The following UBE2E2 variants were observed in gnomAD, a reference collection of about 807,000 sequenced individuals.
UBE2E2 encodes the protein ubiquitin-conjugating enzyme E2 E2.
A neutral mutation model predicts 24.7 loss-of-function variants in UBE2E2; 6 were observed. The ratio of observed to expected loss-of-function variants is 0.24; its 90% CI spans 0.13 to 0.48. UBE2E2 has a LOEUF of 0.48. Among genes scored for constraint, UBE2E2 ranks in the 20% least tolerant of loss-of-function variants. The pLI is 0.99. For synonymous variants in UBE2E2, 104 were observed against 83.6 expected (o/e 1.24, Z -1.33); for missense variants, 169 against 245.0 (o/e 0.69, Z 2.07).
At position 23,353,923 on chromosome 3, in the gene UBE2E2, C is replaced by T. The variant is rs181568246; in HGVS notation, c.227+136611C>T. Among the ~76,000 whole-genome samples the T allele has an allele frequency of 4.5e-3, 685 of 152,192 alleles. 5 individuals carry two copies. The highest frequency in any genetic ancestry group is 0.016 in the African/African-American group (659 of 41,528). ...TATGGAACCAAAAAAGAGCCTGCAT[C>T]GCCAAGTCAGTCCTAAGCCAAAAGA... On this transcript the variant is annotated intron_variant, in intron 3 of 5. Coordinates refer to ENST00000396703, the MANE Select transcript of UBE2E2 (RefSeq NM_152653.4).
intron 3 of UBE2E2, among the ~76,000 whole-genome samples, chr3:23,334,821 C>T (rs1402583316): frequency 6.6e-6 from 1 of 152,118 alleles, no homozygotes; most frequent in African/African-American, 2.4e-5. Context: ...AGGCAGTTAG[C>T]TATATGATTC....
intron 4 of UBE2E2, among the ~76,000 whole-genome samples, chr3:23,502,781 A>G (rs1699751701): frequency 6.6e-6 from 1 of 152,224 alleles, no homozygotes; most frequent in Admixed American, 6.5e-5. Flanking sequence ...GCTATATTTC[A>G]GTACAATTTT....
Position 23,281,974 on chromosome 3 carries a change from A to G in UBE2E2, c.227+64662A>G, listed in dbSNP as rs9877182. Among the ~76,000 whole-genome samples the G allele has an allele frequency of 5.1e-3, 784 of 152,242 alleles. 6 individuals carry two copies. The highest frequency in any genetic ancestry group is 0.018 in the African/African-American group (748 of 41,520). On this transcript the variant is annotated intron_variant, in intron 3 of 5. Coordinates refer to ENST00000396703, the MANE Select transcript of UBE2E2 (RefSeq NM_152653.4). ...GAATGCAATTTCAGTCTAGTCCTCA[A>G]AATCATCCTAAAAGATTGGAGGATT...
At chr3:23,237,529 G>C (rs1402259838) in intron 3 of UBE2E2, among the ~76,000 whole-genome samples, 1 of 152,132 alleles carries the variant, frequency 6.6e-6, no homozygotes, top group Non-Finnish European at 1.5e-5. Flanking sequence ...GTAAAAGGAA[G>C]ATGACTAGAA....
At chr3:23,541,142 G>A (rs1575694942) in intron 5 of UBE2E2, among the ~76,000 whole-genome samples, 4 of 152,320 alleles carry the variant, frequency 2.6e-5, no homozygotes, top group South Asian at 2.1e-4. Context: ...ACTTAAGATT[G>A]TACAGTATCT....
chr3:23,479,493 G>A lies in UBE2E2; in HGVS notation c.228-20115G>A, dbSNP rs561007303. 2.0e-5 allele frequency among the ~76,000 whole-genome samples: 3 copies of A among 152,242 alleles called. No homozygotes were observed. In the South Asian group the frequency reaches 6.2e-4, roughly 32 times the overall value. ...CTAGGCCTGGGCTCCCCAGAGGGCC[G>A]TAGCTCTTCTCTCTTTCTCTTCACC... On this transcript the variant is annotated intron_variant, in intron 3 of 5. Coordinates refer to ENST00000396703, the MANE Select transcript of UBE2E2 (RefSeq NM_152653.4).
chr3:23,491,278 T>C (rs940487503), intron 3 of UBE2E2, among the ~76,000 whole-genome samples: 7 of 152,202 alleles, frequency 4.6e-5, no homozygotes, highest in Non-Finnish European at 2.9e-5. Context: ...GAACACCCTC[T>C]GGGGCATAGG....
Position 23,431,563 on chromosome 3 carries a change from C to T in UBE2E2, c.228-68045C>T, listed in dbSNP as rs555597697. Among the ~76,000 whole-genome samples, 7 of 152,036 alleles carry T rather than the reference C, an allele frequency of 4.6e-5. No homozygotes were observed. In the South Asian group the frequency reaches 1.5e-3, roughly 32 times the overall value. ...ATATGTCAGCTGTTAATTTTCTTAT[C>T]CTTTTCTTAGATAACATTTTATTTA... On this transcript the variant is annotated intron_variant, in intron 3 of 5. Transcript: ENST00000396703.
At chr3:23,328,778 C>T (rs575588065) in intron 3 of UBE2E2, among the ~76,000 whole-genome samples, 71 of 152,118 alleles carry the variant, frequency 4.7e-4, no homozygotes, top group African/African-American at 1.7e-3. Context: ...TCTCCTGCCT[C>T]AGCCTCCTGA....
Position 23,561,654 on chromosome 3 carries a change from A to G in UBE2E2, c.509-28080A>G, listed in dbSNP as rs577367585. On this transcript the variant is annotated intron_variant, in intron 5 of 5. Coordinates refer to ENST00000396703, the MANE Select transcript of UBE2E2 (RefSeq NM_152653.4). ...GGGGATGGCATTGAATCTATAAATT[A>G]CCTTGGGCAGTGTGGCCATTTTCAC... Among the ~76,000 whole-genome samples the G allele has an allele frequency of 7.8e-4, 118 of 151,474 alleles. No homozygotes were observed. In the Middle Eastern group the frequency reaches 0.01, roughly 13 times the overall value.
intron 3 of UBE2E2, among the ~76,000 whole-genome samples, chr3:23,401,624 C>G (rs1017236680): frequency 6.6e-6 from 1 of 152,058 alleles, no homozygotes; most frequent in Non-Finnish European, 1.5e-5. Flanking sequence ...TAATTAATAT[C>G]TTCTTCAATT....
intron 3 of UBE2E2, among the ~76,000 whole-genome samples, chr3:23,307,561 G>A (rs1699270383): frequency 6.6e-6 from 1 of 152,044 alleles, no homozygotes; most frequent in African/African-American, 2.4e-5. Flanking sequence ...GAAATAATTT[G>A]CTTATTTAAA....
At chr3:23,352,040 A>T (rs1260568350) in intron 3 of UBE2E2, among the ~76,000 whole-genome samples, 1 of 152,214 alleles carries the variant, frequency 6.6e-6, no homozygotes, top group Non-Finnish European at 1.5e-5. Context: ...TGTCTCTCAG[A>T]CCTCAGTGCA....
intron 3 of UBE2E2, among the ~76,000 whole-genome samples, chr3:23,345,896 G>A (rs1467121457): frequency 6.6e-6 from 1 of 152,078 alleles, no homozygotes; most frequent in African/African-American, 2.4e-5. Flanking sequence ...TGCCTGAGTA[G>A]GAAAGTGATA....
chr3:23,512,150 G>A (rs1694609835), intron 4 of UBE2E2, among the ~76,000 whole-genome samples: 1 of 150,058 alleles, frequency 6.7e-6, no homozygotes, highest in Non-Finnish European at 1.5e-5. Context: ...TAAGTGCACA[G>A]TAATTCAGTT....
chr3:23,270,668 A>G (rs960871567), intron 3 of UBE2E2, among the ~76,000 whole-genome samples: 2 of 152,212 alleles, frequency 1.3e-5, no homozygotes, highest in Non-Finnish European at 2.9e-5. Flanking sequence ...AACTTGCCAA[A>G]AAAGAAGGAA....
At chr3:23,302,973 G>A (rs1699140955) in intron 3 of UBE2E2, among the ~76,000 whole-genome samples, 1 of 152,160 alleles carries the variant, frequency 6.6e-6, no homozygotes, top group Non-Finnish European at 1.5e-5. Context: ...ACATACCTGT[G>A]GAACCTGGTG....
At chr3:23,495,738 G>T (rs1318032063) in intron 3 of UBE2E2, among the ~76,000 whole-genome samples, 2 of 152,148 alleles carry the variant, frequency 1.3e-5, no homozygotes, top group Non-Finnish European at 2.9e-5. Context: ...TGTTGCCAAA[G>T]CTTTATTGTC....
At chr3:23,319,014 G>T (rs1694667065) in intron 3 of UBE2E2, among the ~76,000 whole-genome samples, 1 of 152,170 alleles carries the variant, frequency 6.6e-6, no homozygotes, top group African/African-American at 2.4e-5. Flanking sequence ...GAAGGAGAAT[G>T]TTGTGTGTTT....
Sources: gnomAD v4.1 joint callset for allele counts (sites outside exome capture counted in the v4.1 genomes callset) on GRCh38, gnomAD v4.1.1 for gene constraint, MANE v1.5 for transcripts, NCBI Gene and HGNC (gene_info 2026-07-23, HGNC 2026-07-21) for gene names.